The following SOX6 variants were observed in gnomAD, a reference collection of about 807,000 sequenced individuals.
SOX6 encodes SRY-box transcription factor 6, also known as transcription factor SOX-6.
SOX6 carries 11 observed loss-of-function variants against 97.8 expected under a neutral mutation model. That is an observed-to-expected ratio of 0.11 (90% confidence interval 0.07 to 0.19). SOX6 has a LOEUF of 0.19. SOX6 is among the 10% of genes least tolerant of loss of function. The pLI, the probability that SOX6 is intolerant of heterozygous loss-of-function variation, is 1.00. For missense variants in SOX6, 810 were observed against 1,039.5 expected (o/e 0.78, Z 3.04); for synonymous variants, 360 against 371.4 (o/e 0.97, Z 0.35).
intron 4 of SOX6, among the ~76,000 whole-genome samples, chr11:16,601,205 T>A (rs1366393321): frequency 1.3e-5 from 2 of 152,166 alleles, no homozygotes; most frequent in Non-Finnish European, 1.5e-5. Context: ...ACTTGATAAT[T>A]GTGAAATAAC....
intron 1 of SOX6, among the ~76,000 whole-genome samples, chr11:16,349,718 AGGAAGGAAGGAAGGAAG>A (rs1856878574): frequency 3.4e-4 from 31 of 91,400 alleles, no homozygotes; most frequent in African/African-American, 1.1e-3. Flanking sequence ...GGAAGGAAGA[AGGAAGGAAGGAAGGAAG>A]GAAGGAAGGA....
chr11:16,089,842 A>G (rs1015317998), intron 9 of SOX6, among the ~76,000 whole-genome samples: 1 of 152,116 alleles, frequency 6.6e-6, no homozygotes, highest in African/African-American at 2.4e-5. Context: ...TTTTCTGAAT[A>G]TAAATTTCCT....
intron 2 of SOX6, among the ~76,000 whole-genome samples, chr11:16,327,768 A>G (rs1483520431): frequency 6.6e-6 from 1 of 152,144 alleles, no homozygotes; most frequent in Non-Finnish European, 1.5e-5. Flanking sequence ...AGAGTCAGAA[A>G]GCATAGGTCA....
At chr11:16,657,074 A>G (rs529575885) in intron 3 of SOX6, among the ~76,000 whole-genome samples, 22 of 152,196 alleles carry the variant, frequency 1.4e-4, no homozygotes, top group Non-Finnish European at 2.8e-4. Flanking sequence ...TATCATACAG[A>G]ATCACTTCAC....
intron 3 of SOX6, among the ~76,000 whole-genome samples, chr11:16,705,077 G>A (rs1474683424): frequency 5.9e-5 from 9 of 151,954 alleles, no homozygotes; most frequent in Non-Finnish European, 1.3e-4. Context: ...GTCCAACATG[G>A]TGAAATCCTG....
At chr11:16,239,656 G>T (rs952440282) in intron 3 of SOX6, among the ~76,000 whole-genome samples, 2 of 152,010 alleles carry the variant, frequency 1.3e-5, no homozygotes, top group African/African-American at 4.8e-5. Flanking sequence ...CAAGCAGCAA[G>T]AGAAAGCATG....
chr11:16,349,828 C>T (rs1342789200), intron 1 of SOX6, among the ~76,000 whole-genome samples: 3 of 151,920 alleles, frequency 2.0e-5, no homozygotes, highest in African/African-American at 4.8e-5. Flanking sequence ...CCTGACATTC[C>T]ATTTTTACCA....
At chr11:15,993,794 T>A (rs1854133491) in intron 13 of SOX6, among the ~76,000 whole-genome samples, 1 of 152,182 alleles carries the variant, frequency 6.6e-6, no homozygotes, top group Non-Finnish European at 1.5e-5. Context: ...TTGAATGATT[T>A]AAAGAGAAGA....
intron 3 of SOX6, among the ~76,000 whole-genome samples, chr11:16,636,035 C>A (rs1470723244): frequency 6.6e-6 from 1 of 152,196 alleles, no homozygotes; most frequent in Non-Finnish European, 1.5e-5. Flanking sequence ...GGGGTCAGAG[C>A]CCCCACACAG....
intron 1 of SOX6, among the ~76,000 whole-genome samples, chr11:16,448,672 T>A (rs1247460790): frequency 6.6e-6 from 1 of 152,196 alleles, no homozygotes; most frequent in Non-Finnish European, 1.5e-5. Flanking sequence ...GAATATTTAA[T>A]TTGTGGTCAA....
chr11:16,227,438 ATG>A (rs1043982542), intron 4 of SOX6, among the ~76,000 whole-genome samples: 24 of 151,350 alleles, frequency 1.6e-4, no homozygotes, highest in African/African-American at 5.9e-4. Flanking sequence ...TGAATTTTTA[ATG>A]TTTTTTTTTT....
At position 16,395,965 on chromosome 11, in the gene SOX6, T is replaced by C. The variant is rs1338521630; in HGVS notation, c.-4-54713A>G. 3.3e-5 allele frequency among the ~76,000 whole-genome samples: 5 copies of C among 151,822 alleles called. No homozygotes were observed. The Admixed American group carries it at 3.3e-4, about 10-fold the overall frequency. ...TAAAGAATTAATGAATGCTAAGAAT[T>C]CACTGATTTATTTCCCTTCCCTCTT... On this transcript the variant is annotated intron_variant, in intron 1 of 15. Transcript: ENST00000396356.
intron 3 of SOX6, among the ~76,000 whole-genome samples, chr11:16,242,400 C>A (rs1311262767): frequency 6.6e-6 from 1 of 151,848 alleles, no homozygotes; most frequent in African/African-American, 2.4e-5. Context: ...ATGATGTTTG[C>A]ATGACAATGA....
chr11:16,230,715 TTAAAGA>T (rs754581304), intron 4 of SOX6, among the ~76,000 whole-genome samples: 1 of 151,686 alleles, frequency 6.6e-6, no homozygotes, highest in Admixed American at 6.6e-5. Flanking sequence ...ATAAAATAAA[TTAAAGA>T]TAAACTTTAA....
intron 4 of SOX6, among the ~76,000 whole-genome samples, chr11:16,198,724 G>A (rs1851856466): frequency 1.3e-5 from 2 of 152,242 alleles, no homozygotes; most frequent in African/African-American, 4.8e-5. Flanking sequence ...AAAGATCATT[G>A]CTTGTAAAAA....
chr11:16,213,940 T>C (rs1852297239), intron 4 of SOX6, among the ~76,000 whole-genome samples: 1 of 152,206 alleles, frequency 6.6e-6, no homozygotes, highest in Non-Finnish European at 1.5e-5. Flanking sequence ...CTGTAGATTC[T>C]ACATTTTGAT....
chr11:16,008,777 T>G (rs1204722995), intron 13 of SOX6, among the ~76,000 whole-genome samples: 2 of 152,096 alleles, frequency 1.3e-5, no homozygotes, highest in Non-Finnish European at 2.9e-5. Flanking sequence ...TATAAACTGG[T>G]GCACAGGATC....
chr11:15,990,950 A>G (rs1339396944), intron 13 of SOX6, among the ~76,000 whole-genome samples: 1 of 152,178 alleles, frequency 6.6e-6, no homozygotes, highest in Non-Finnish European at 1.5e-5. Context: ...AAAGCCAGTA[A>G]TAAATTACAA....
intron 4 of SOX6, among the ~76,000 whole-genome samples, chr11:16,540,221 A>G (rs976692302): frequency 3.9e-5 from 6 of 152,164 alleles, no homozygotes; most frequent in African/African-American, 1.4e-4. Flanking sequence ...AACAAAAACC[A>G]CATGATTATC....
Sources: allele counts gnomAD v4.1 joint callset (sites outside exome capture counted in the v4.1 genomes callset), GRCh38; gene constraint gnomAD v4.1.1; transcripts MANE v1.5; gene names NCBI Gene and HGNC (gene_info 2026-07-23, HGNC 2026-07-21).